The following AKAP19 variants were observed in gnomAD, a reference collection of about 807,000 sequenced individuals.
AKAP19 encodes the protein small A-kinase anchoring protein.
the AKAP19 span, among the ~76,000 whole-genome samples, chr2:190,114,874 T>C: frequency 6.6e-6 from 1 of 152,188 alleles, no homozygotes; most frequent in Admixed American, 6.5e-5. Context: ...TTTAATGTGA[T>C]CTTTTTGAAA....
chr2:190,039,757 G>A, the AKAP19 span, among the ~76,000 whole-genome samples: 1 of 152,076 alleles, frequency 6.6e-6, no homozygotes, highest in South Asian at 2.1e-4. Flanking sequence ...CCACTTTAAA[G>A]TGAGAACATG....
the AKAP19 span, among the ~76,000 whole-genome samples, chr2:190,018,810 T>G: frequency 6.6e-6 from 1 of 152,238 alleles, no homozygotes; most frequent in Non-Finnish European, 1.5e-5. Context: ...CACTGTTTCA[T>G]GTAGCCTGTG....
chr2:190,174,439 G>A, the AKAP19 span, among the ~76,000 whole-genome samples: 1 of 152,056 alleles, frequency 6.6e-6, no homozygotes, highest in Admixed American at 6.5e-5. Context: ...AACTTCTTCA[G>A]GATAAATATT....
At chr2:189,984,344 T>A in the AKAP19 span, among the ~76,000 whole-genome samples, 1 of 152,264 alleles carries the variant, frequency 6.6e-6, no homozygotes, top group South Asian at 2.1e-4. Context: ...GGACGTTCCA[T>A]GCCGAGAAAA....
the AKAP19 span, among the ~76,000 whole-genome samples, chr2:189,954,081 G>A: frequency 1.3e-5 from 2 of 152,180 alleles, no homozygotes; most frequent in African/African-American, 4.8e-5. Flanking sequence ...CTGTCAGTGG[G>A]AAGGCAAGAG....
chr2:189,891,298 ACTGCAACCT>A, the AKAP19 span, among the ~76,000 whole-genome samples: 1 of 128,044 alleles, frequency 7.8e-6, no homozygotes, highest in Non-Finnish European at 1.6e-5. Context: ...ATCTCGGCTC[ACTGCAACCT>A]CTGCCTCCCG....
the AKAP19 span, among the ~76,000 whole-genome samples, chr2:190,038,916 C>A: frequency 7.5e-6 from 1 of 133,808 alleles, no homozygotes; most frequent in East Asian, 2.1e-4. Context: ...TCTTCTTCTT[C>A]TTCTTCTTCT....
the AKAP19 span, chr2:189,924,065 G>A: frequency 5.9e-6 from 9 of 1,534,814 alleles, no homozygotes; most frequent in East Asian, 1.6e-4. Flanking sequence ...TGAGGGGGGT[G>A]CAGATGACTC....
At chr2:190,070,625 T>C in the AKAP19 span, among the ~76,000 whole-genome samples, 33 of 110,176 alleles carry the variant, frequency 3.0e-4, no homozygotes, top group East Asian at 1.8e-3. Flanking sequence ...CCCCCCCCCC[T>C]TTTTTTTTGG....
the AKAP19 span, among the ~76,000 whole-genome samples, chr2:190,070,908 T>C: frequency 6.6e-6 from 1 of 152,168 alleles, no homozygotes; most frequent in African/African-American, 2.4e-5. Flanking sequence ...CAAATACTTA[T>C]GAACACCCAC....
chr2:190,150,649 G>A, the AKAP19 span, among the ~76,000 whole-genome samples: 1 of 152,132 alleles, frequency 6.6e-6, no homozygotes. Context: ...CAGTCAGTAT[G>A]GAGCTAAAAT....
chr2:189,957,139 C>T, the AKAP19 span, among the ~76,000 whole-genome samples: 1 of 152,154 alleles, frequency 6.6e-6, no homozygotes. Flanking sequence ...CGCGCCACTG[C>T]ACTCAGCCTG....
the AKAP19 span, among the ~76,000 whole-genome samples, chr2:190,178,488 C>G: frequency 6.6e-6 from 1 of 152,196 alleles, no homozygotes; most frequent in Non-Finnish European, 1.5e-5. This position sits in a 1 kb window ranked among gnomAD's most constrained non-coding sequence, Gnocchi z 6.3. Context: ...CTGCTCTACT[C>G]TCTCCAGTGC....
At chr2:190,116,246 G>T in the AKAP19 span, among the ~76,000 whole-genome samples, 1 of 152,130 alleles carries the variant, frequency 6.6e-6, no homozygotes, top group African/African-American at 2.4e-5. Context: ...AAATTTATGG[G>T]CTCATGGTTC....
chr2:189,917,181 A>G, the AKAP19 span: 15 of 647,284 alleles, frequency 2.3e-5, no homozygotes, highest in South Asian at 3.0e-4. Context: ...AAATACATCA[A>G]TGATGCAAGT....
the AKAP19 span, among the ~76,000 whole-genome samples, chr2:190,019,995 G>A: frequency 6.6e-6 from 1 of 152,138 alleles, no homozygotes; most frequent in African/African-American, 2.4e-5. Flanking sequence ...CTCCTATTCT[G>A]CTATCTTGCT....
chr2:190,084,375 G>A, the AKAP19 span, among the ~76,000 whole-genome samples: 2 of 152,264 alleles, frequency 1.3e-5, no homozygotes, highest in Non-Finnish European at 2.9e-5. Flanking sequence ...TTACAGGCAT[G>A]AGCCACCTTG....
At chr2:190,001,906 C>A in the AKAP19 span, among the ~76,000 whole-genome samples, 1 of 152,206 alleles carries the variant, frequency 6.6e-6, no homozygotes, top group East Asian at 1.9e-4. Context: ...ACCTTAGACA[C>A]GTAGAGTCAA....
the AKAP19 span, among the ~76,000 whole-genome samples, chr2:190,160,157 A>T: frequency 1.3e-5 from 2 of 152,106 alleles, no homozygotes; most frequent in East Asian, 3.8e-4. Context: ...GGTTATTTTG[A>T]TCTTTTCTTT....
Sources: gnomAD v4.1 joint callset for allele counts (sites outside exome capture counted in the v4.1 genomes callset) on GRCh38, gnomAD v4.1.1 for gene constraint, Gnocchi (gnomAD v3.1) non-coding constraint, MANE v1.5 for transcripts, NCBI Gene and HGNC (gene_info 2026-07-23, HGNC 2026-07-21) for gene names.